Variants in C9 observed in about 807,000 individuals in gnomAD.
C9 encodes complement C9, also known as complement component C9.
In C9, 63 loss-of-function variants were observed where a neutral mutation model predicts 65.4. The observed-to-expected ratio is 0.96, with a 90% confidence interval of 0.79 to 1.19. The LOEUF (loss-of-function observed/expected upper bound fraction) is 1.19, where lower values mean the gene tolerates loss of function less well. C9 is among the 50% of genes most tolerant of loss of function. C9 has a pLI of 0.00. For synonymous variants in C9, 229 were observed against 227.9 expected (o/e 1.00, Z -0.04); for missense variants, 744 against 670.1 (o/e 1.11, Z -1.22).
chr5:39,286,570 G>A lies in C9; in HGVS notation c.1646-1337C>T, dbSNP rs748744355. ...ATCTCAATAGGTCAGCAAATGGATCGACTATACAAAGTTGAATAAAATAAT... is the reference window on the plus strand; with the variant it reads ...ATCTCAATAGGTCAGCAAATGGATCAACTATACAAAGTTGAATAAAATAAT... On this transcript the variant is annotated intron_variant, in intron 10 of 10. Transcript: ENST00000263408. Among the ~76,000 whole-genome samples, 5 of 151,980 alleles carry A rather than the reference G, an allele frequency of 3.3e-5. No homozygotes were observed. In the East Asian group the frequency reaches 5.8e-4, roughly 18 times the overall value.
intron 9 of C9, among the ~76,000 whole-genome samples, chr5:39,300,823 A>G (rs1352302649): frequency 6.6e-6 from 1 of 152,126 alleles, no homozygotes; most frequent in Non-Finnish European, 1.5e-5. Flanking sequence ...CATGTATAGA[A>G]AGACAGTTTA....
intron 10 of C9, among the ~76,000 whole-genome samples, chr5:39,286,311 T>C (rs916211847): frequency 6.6e-6 from 1 of 151,950 alleles, no homozygotes; most frequent in Non-Finnish European, 1.5e-5. Flanking sequence ...AATCACTAAG[T>C]ACTGAAGAAA....
intron 9 of C9, among the ~76,000 whole-genome samples, chr5:39,305,920 GA>G (rs1579846099): frequency 6.6e-6 from 1 of 152,110 alleles, no homozygotes; most frequent in African/African-American, 2.4e-5. Context: ...CAGGACTTTG[GA>G]AGGCTGAGGC....
chr5:39,289,554 G>A (rs1753052167), intron 9 of C9, among the ~76,000 whole-genome samples: 1 of 151,768 alleles, frequency 6.6e-6, no homozygotes, highest in South Asian at 2.1e-4. Flanking sequence ...GGGGATAGAA[G>A]TTAGTATATA....
At chr5:39,298,723 T>C (rs935933012) in intron 9 of C9, among the ~76,000 whole-genome samples, 3 of 151,796 alleles carry the variant, frequency 2.0e-5, no homozygotes, top group Admixed American at 6.6e-5. Flanking sequence ...TAGAGAAGAA[T>C]TTACTTCTCA....
At chr5:39,291,713 T>C (rs1019492951) in intron 9 of C9, among the ~76,000 whole-genome samples, 3 of 151,846 alleles carry the variant, frequency 2.0e-5, no homozygotes, top group Admixed American at 1.3e-4. Context: ...TAGACTAAAT[T>C]TGACTTTACT....
chr5:39,285,624 ACCCATG>A lies in C9; in HGVS notation c.1646-397_1646-392del, dbSNP rs946485188. Reference sequence around the variant, plus strand: ...TTTTTAAAAATTCAAAAAACAAAAAACCCATGCCCAGGCAGGATCTACCATGGCTGC... The same window carrying A: ...TTTTTAAAAATTCAAAAAACAAAAAACCCAGGCAGGATCTACCATGGCTGC... On this transcript the variant is annotated intron_variant, in intron 10 of 10. Transcript: ENST00000263408. Among the ~76,000 whole-genome samples the A allele has an allele frequency of 2.5e-3, 380 of 151,918 alleles. 1 individual carries two copies. The highest frequency in any genetic ancestry group is 8.6e-3 in the African/African-American group (356 of 41,448).
intron 9 of C9, among the ~76,000 whole-genome samples, chr5:39,304,208 A>G (rs1284379009): frequency 6.6e-6 from 1 of 152,096 alleles, no homozygotes; most frequent in African/African-American, 2.4e-5. Flanking sequence ...ATTAAGTGAG[A>G]GCTTACAGTC....
In C9 at chr5:39,285,037, T is replaced by TA. The variant is rs943090477; in HGVS notation, c.*161dup. ...CACAGGAGTTTAAGGAAGAAAAATT[T>TA]AAAAAAAAATTATAGACCTAAGAGA... On this transcript the variant is annotated 3_prime_UTR_variant, in exon 11 of 11. Transcript: ENST00000263408. The TA allele has an allele frequency of 1.3e-5, 7 of 551,348 alleles. No individual in the cohort carries two copies. The highest frequency in any genetic ancestry group is 9.5e-5 in the African/African-American group (5 of 52,508). The allele number at this position is 551,348 out of a possible 1,614,324, so 34.2% of individuals were successfully genotyped here.
At chr5:39,315,080 G>T (rs903259431) in intron 6 of C9, among the ~76,000 whole-genome samples, 1 of 152,120 alleles carries the variant, frequency 6.6e-6, no homozygotes, top group African/African-American at 2.4e-5. Context: ...GTAATGTACA[G>T]ACCCATACAA....
intron 4 of C9, among the ~76,000 whole-genome samples, chr5:39,337,155 C>T (rs974707026): frequency 3.9e-5 from 6 of 152,022 alleles, no homozygotes; most frequent in Admixed American, 2.6e-4. Context: ...AAAACATGTA[C>T]GTATGGAAGT....
chr5:39,310,576 A>C (rs1301946022), intron 7 of C9, among the ~76,000 whole-genome samples: 3 of 152,050 alleles, frequency 2.0e-5, no homozygotes, highest in African/African-American at 7.2e-5. Context: ...CCAGAAACCT[A>C]CTTAACATGA....
chr5:39,341,239 A>G lies in C9; in HGVS notation c.383T>C (p.Phe128Ser). The G allele has an allele frequency of 6.2e-7, 1 of 1,614,174 alleles. No individual in the cohort carries two copies. The highest frequency in any genetic ancestry group is 1.1e-5 in the South Asian group (1 of 91,078). ...RCNGDNDCGDFSDEDDCESEP... is the reference protein window; with the variant it reads ...RCNGDNDCGDSSDEDDCESEP... ...ACTTTCACAATCATCCTCATCTGAA[A>G]AGTCTCCGCAGTCATTGTCACCATT... Residue 128 changes from phenylalanine (F) to serine (S), a missense_variant, in exon 4 of 11, where the codon TTT (phenylalanine) becomes TCT (serine). Coordinates refer to ENST00000263408, the MANE Select transcript of C9 (RefSeq NM_001737.5).
intron 5 of C9, among the ~76,000 whole-genome samples, chr5:39,330,674 G>C (rs1005846443): frequency 2.6e-5 from 4 of 152,058 alleles, no homozygotes; most frequent in African/African-American, 9.7e-5. Flanking sequence ...CATTATTGGG[G>C]AAAACCAACA....
At chr5:39,363,158 A>G (rs1420741886) in intron 1 of C9, among the ~76,000 whole-genome samples, 1 of 152,196 alleles carries the variant, frequency 6.6e-6, no homozygotes, top group Non-Finnish European at 1.5e-5. Flanking sequence ...ACTTGGAGGA[A>G]CTGCCTTTCC....
rs575059213 is a variant in C9 at position 39,342,204 on chromosome 5, A to G, written c.78-8T>C. Reference sequence around the variant, plus strand: ...GTTAGCTCTGGGTCATAACTAAGATAACAGAACATCCCAGTTTATAATGAC... The same window carrying G: ...GTTAGCTCTGGGTCATAACTAAGATGACAGAACATCCCAGTTTATAATGAC... On this transcript the variant is annotated splice_polypyrimidine_tract_variant and splice_region_variant and intron_variant, in intron 1 of 10. Transcript: ENST00000263408. 6 of 1,447,030 alleles carry G rather than the reference A, an allele frequency of 4.1e-6. No homozygotes were observed. The South Asian group carries it at 4.6e-5, about 11-fold the overall frequency. The allele number at this position is 1,447,030 out of a possible 1,614,324, so 89.6% of individuals were successfully genotyped here.
intron 9 of C9, among the ~76,000 whole-genome samples, chr5:39,299,201 A>G (rs1753239410): frequency 6.6e-6 from 1 of 152,016 alleles, no homozygotes; most frequent in Non-Finnish European, 1.5e-5. Context: ...TGACATGATT[A>G]TCTAAGGAAT....
At chr5:39,288,320 A>T (rs913793918) in intron 10 of C9, among the ~76,000 whole-genome samples, 23 of 151,674 alleles carry the variant, frequency 1.5e-4, no homozygotes, top group Admixed American at 4.6e-4. Context: ...TTGCTTCTTA[A>T]AAAAGGGTTT....
chr5:39,357,684 G>A (rs988362609), intron 1 of C9, among the ~76,000 whole-genome samples: 9 of 152,166 alleles, frequency 5.9e-5, no homozygotes, highest in Admixed American at 2.0e-4. Flanking sequence ...TGGGAGGGAG[G>A]GCAGTGAAAG....
Sources: allele counts gnomAD v4.1 joint callset (sites outside exome capture counted in the v4.1 genomes callset), GRCh38; gene constraint gnomAD v4.1.1; transcripts MANE v1.5; gene names NCBI Gene and HGNC (gene_info 2026-07-23, HGNC 2026-07-21).